ZC3H3: variants seen among roughly 807,000 people sequenced by gnomAD.
ZC3H3 encodes zinc finger CCCH domain-containing protein 3.
ZC3H3 carries 36 observed loss-of-function variants against 77.3 expected under a neutral mutation model. That is an observed-to-expected ratio of 0.47 (90% confidence interval 0.36 to 0.61). The LOEUF (loss-of-function observed/expected upper bound fraction) is 0.61, where lower values mean the gene tolerates loss of function less well. Among genes scored for constraint, ZC3H3 ranks in the 20% least tolerant of loss-of-function variants. The pLI, the probability that ZC3H3 is intolerant of heterozygous loss-of-function variation, is 0.00. For synonymous variants in ZC3H3, 626 were observed against 555.2 expected (o/e 1.13, Z -1.79); for missense variants, 1,331 against 1,312.2 (o/e 1.01, Z -0.22).
chr8:143,473,455 T>C (rs1160069048), intron 5 of ZC3H3, among the ~76,000 whole-genome samples: 2 of 152,288 alleles, frequency 1.3e-5, no homozygotes, highest in Non-Finnish European at 2.9e-5. Flanking sequence ...ACTAGGGACG[T>C]CAGAGGCAGC....
intron 4 of ZC3H3, among the ~76,000 whole-genome samples, chr8:143,504,092 G>A (rs1480809267): frequency 7.1e-6 from 1 of 141,504 alleles, no homozygotes. Flanking sequence ...CTGCAGGGAA[G>A]GGGAGTTTCT....
chr8:143,479,679 C>G (rs938061836), intron 4 of ZC3H3, among the ~76,000 whole-genome samples: 4 of 152,226 alleles, frequency 2.6e-5, no homozygotes, highest in Non-Finnish European at 1.5e-5. Flanking sequence ...AGCAAATTAT[C>G]TTTCCTTCAG....
At chr8:143,444,995 AATT>A (rs1441352991) in intron 9 of ZC3H3, among the ~76,000 whole-genome samples, 1 of 152,254 alleles carries the variant, frequency 6.6e-6, no homozygotes, top group Non-Finnish European at 1.5e-5. Flanking sequence ...ATCTATATAA[AATT>A]ATATTTCTAT....
chr8:143,524,903 C>G (rs1382477572), intron 3 of ZC3H3, among the ~76,000 whole-genome samples: 2 of 152,256 alleles, frequency 1.3e-5, no homozygotes, highest in African/African-American at 4.8e-5. Context: ...CATGTACCAG[C>G]CCCTGGATCA....
chr8:143,537,392 G>A (rs1036116362), intron 2 of ZC3H3, among the ~76,000 whole-genome samples: 2 of 152,160 alleles, frequency 1.3e-5, no homozygotes, highest in South Asian at 2.1e-4. Flanking sequence ...GGAGGCTCCC[G>A]CCTACCAGCA....
intron 9 of ZC3H3, among the ~76,000 whole-genome samples, chr8:143,463,286 A>G (rs1002163554): frequency 2.0e-5 from 3 of 152,156 alleles, no homozygotes; most frequent in Admixed American, 1.3e-4. Flanking sequence ...CGCCCGGCCC[A>G]GACCCTGAGT....
intron 1 of ZC3H3, 49 bp downstream of exon 1, chr8:143,541,327 G>A (rs1388857280): frequency 6.2e-7 from 1 of 1,603,192 alleles, no homozygotes. Flanking sequence ...CCCGCCGCGA[G>A]GTGAGGGGGA....
chr8:143,540,371 C>T (rs948932257), intron 1 of ZC3H3, among the ~76,000 whole-genome samples: 1 of 152,094 alleles, frequency 6.6e-6, no homozygotes, highest in Admixed American at 6.6e-5. Context: ...GGACTACAGG[C>T]GCAAGCCACC....
intron 4 of ZC3H3, among the ~76,000 whole-genome samples, chr8:143,501,005 C>T (rs1821510481): frequency 7.1e-6 from 1 of 141,832 alleles, no homozygotes; most frequent in Non-Finnish European, 1.5e-5. Flanking sequence ...TAAGTAGAGA[C>T]GGGGTTTCAC....
chr8:143,477,483 C>T (rs1820768470), intron 4 of ZC3H3, among the ~76,000 whole-genome samples: 1 of 152,176 alleles, frequency 6.6e-6, no homozygotes. Context: ...CTCAGACCTC[C>T]AGGCTCTCAT....
At position 143,437,715 on chromosome 8, in the gene ZC3H3, G is replaced by C. The variant is rs1819623456; in HGVS notation, c.*341C>G. The C allele has an allele frequency of 9.9e-6, 4 of 404,920 alleles. No homozygotes were observed. Among genetic ancestry groups the C allele is most frequent in the Non-Finnish European group, 1.8e-5 (4 of 216,568 alleles). The allele number at this position is 404,920 out of a possible 1,614,324, so 25.1% of individuals were successfully genotyped here. A position where few individuals can be genotyped will look rare whatever the true frequency, so the allele number is the denominator to read the frequency against. On this transcript the variant is annotated 3_prime_UTR_variant, in exon 12 of 12. Transcript: ENST00000262577. ...AACACCTGCCTGGGAGGCCTGGCCA[G>C]TGGCCTCTTCACTGGGCCGAAAACC...
intron 9 of ZC3H3, among the ~76,000 whole-genome samples, chr8:143,445,795 C>T: frequency 6.6e-6 from 1 of 152,124 alleles, no homozygotes; most frequent in East Asian, 1.9e-4. Context: ...GGGACAGATG[C>T]CCATTCCACC....
chr8:143,440,367 C>T lies in ZC3H3; in HGVS notation c.2493-4G>A. 1 of 1,519,784 alleles carries T rather than the reference C, an allele frequency of 6.6e-7. No individual in the cohort carries two copies. Among genetic ancestry groups the T allele is most frequent in the Non-Finnish European group, 8.8e-7 (1 of 1,132,572 alleles). The allele number at this position is 1,519,784 out of a possible 1,614,324, so 94.1% of individuals were successfully genotyped here. A position where few individuals can be genotyped will look rare whatever the true frequency, so the allele number is the denominator to read the frequency against. ...GCGCTGGGATGCTGAAGGCTTCCTGCAGGGAAGGAAGGGGCAGACGTGTGA... is the reference window on the plus strand; with the variant it reads ...GCGCTGGGATGCTGAAGGCTTCCTGTAGGGAAGGAAGGGGCAGACGTGTGA... On this transcript the variant is annotated splice_polypyrimidine_tract_variant and splice_region_variant and intron_variant, in intron 10 of 11. Coordinates refer to ENST00000262577, the MANE Select transcript of ZC3H3 (RefSeq NM_015117.3).
At chr8:143,507,545 A>T (rs1254199995) in intron 4 of ZC3H3, among the ~76,000 whole-genome samples, 2 of 152,280 alleles carry the variant, frequency 1.3e-5, no homozygotes, top group African/African-American at 4.8e-5. Flanking sequence ...TGTGGTAAAC[A>T]CAAGCTGGCC....
rs1015162889 is a variant in ZC3H3 at position 143,440,311 on chromosome 8, G to A, written c.2545C>T (p.Leu849Phe). ...PTRQTPSSAALTAAAVAAPPH... is the reference protein window; with the variant it reads ...PTRQTPSSAAFTAAAVAAPPH... ...GGTGCAGCCACGGCAGCCGCAGTGA[G>A]GGCAGCCGAGCTGGGCGTCTGCCTG... The change falls in exon 11 of 12, where the codon CTC becomes TTC. Residue 849 changes from leucine (L) to phenylalanine (F), a missense_variant. Coordinates refer to ENST00000262577, the MANE Select transcript of ZC3H3 (RefSeq NM_015117.3). The A allele has an allele frequency of 6.4e-7, 1 of 1,557,702 alleles. No homozygotes were observed. Among genetic ancestry groups the A allele is most frequent in the Non-Finnish European group, 8.7e-7 (1 of 1,149,012 alleles).
Position 143,473,672 on chromosome 8 carries a change from C to G in ZC3H3, c.1903+1726G>C, listed in dbSNP as rs116506137. 4.6e-3 allele frequency among the ~76,000 whole-genome samples: 707 copies of G among 152,280 alleles called. 3 individuals are homozygous for G. The highest frequency in any genetic ancestry group is 0.016 in the African/African-American group (667 of 41,554). ...GGGGCTTGGCCTCTGCCAAGGAGGC[C>G]CAGGGGAAGGTGGGACCACCCGGCA... On this transcript the variant is annotated intron_variant, in intron 5 of 11. Coordinates refer to ENST00000262577, the MANE Select transcript of ZC3H3 (RefSeq NM_015117.3).
At chr8:143,485,005 G>A (rs1821013524) in intron 4 of ZC3H3, 1 of 330,384 alleles carries the variant, frequency 3.0e-6, no homozygotes, top group Admixed American at 3.9e-5. Context: ...GGGGTAACCA[G>A]AACTGATTAT....
chr8:143,535,405 C>T (rs1012608140), intron 3 of ZC3H3, among the ~76,000 whole-genome samples: 6 of 152,300 alleles, frequency 3.9e-5, no homozygotes, highest in African/African-American at 7.2e-5. Context: ...CAATCCCCAA[C>T]GCCCCACCTT....
At chr8:143,495,535 G>A (rs988157846) in intron 4 of ZC3H3, among the ~76,000 whole-genome samples, 5 of 152,188 alleles carry the variant, frequency 3.3e-5, no homozygotes, top group South Asian at 2.1e-4. Flanking sequence ...CAATGGCAAC[G>A]TTCTTTATCT....
Sources: allele counts gnomAD v4.1 joint callset (sites outside exome capture counted in the v4.1 genomes callset), GRCh38; gene constraint gnomAD v4.1.1; transcripts MANE v1.5; gene names NCBI Gene and HGNC (gene_info 2026-07-23, HGNC 2026-07-21).